CDC42BPA: variants seen among roughly 807,000 people sequenced by gnomAD.
CDC42BPA encodes the protein CDC42 binding protein kinase alpha.
CDC42BPA carries 80 observed loss-of-function variants against 223.5 expected under a neutral mutation model. That is an observed-to-expected ratio of 0.36 (90% CI 0.30 to 0.43). The LOEUF (loss-of-function observed/expected upper bound fraction) is 0.43. CDC42BPA is among the 20% of genes least tolerant of loss of function. CDC42BPA has a pLI of 1.00. For synonymous variants in CDC42BPA, 694 were observed against 718.6 expected, an observed-to-expected ratio of 0.97 and a Z score of 0.55; for missense variants, 1,743 against 2,099.9, an observed-to-expected ratio of 0.83 and a Z score of 3.32.
intron 1 of CDC42BPA, among the ~76,000 whole-genome samples, chr1:227,276,328 G>A (rs994817264): frequency 4.7e-5 from 7 of 150,394 alleles, no homozygotes; most frequent in African/African-American, 1.7e-4. Flanking sequence ...TGTCTGGGAG[G>A]TGAGGAGCGT....
chr1:227,048,387 T>C (rs962898782), intron 22 of CDC42BPA, among the ~76,000 whole-genome samples: 1 of 152,008 alleles, frequency 6.6e-6, no homozygotes, highest in South Asian at 2.1e-4. Context: ...AAATGATTTA[T>C]AATAAAATAT....
intron 22 of CDC42BPA, among the ~76,000 whole-genome samples, chr1:227,049,071 A>G (rs1203409537): frequency 1.3e-5 from 2 of 152,022 alleles, no homozygotes; most frequent in Admixed American, 1.3e-4. Context: ...TTACTTTTAA[A>G]TAGCTTGAAA....
At chr1:227,289,108 T>C (rs1038975723) in intron 1 of CDC42BPA, among the ~76,000 whole-genome samples, 1 of 152,184 alleles carries the variant, frequency 6.6e-6, no homozygotes, top group African/African-American at 2.4e-5. Context: ...CTCTCACGTG[T>C]ACTGCTACAA....
intron 17 of CDC42BPA, among the ~76,000 whole-genome samples, chr1:227,074,583 CA>C (rs1679077956): frequency 6.6e-6 from 1 of 152,070 alleles, no homozygotes; most frequent in South Asian, 2.1e-4. Context: ...GTGATGTTTA[CA>C]AAAGTCCAAG....
intron 10 of CDC42BPA, among the ~76,000 whole-genome samples, chr1:227,135,446 A>C (rs1658286432): frequency 6.6e-6 from 1 of 152,162 alleles, no homozygotes; most frequent in African/African-American, 2.4e-5. Flanking sequence ...AAGGCTGAAG[A>C]ACAGAATAAA....
At chr1:227,103,792 A>G (rs664815) in intron 14 of CDC42BPA, among the ~76,000 whole-genome samples, 43,043 of 151,888 alleles carry the variant, frequency 0.28, 6,313 homozygotes, top group African/African-American at 0.35. Context: ...ATGTCATACC[A>G]TTTAGCAAAA....
At chr1:227,050,108 T>C (rs1673239389) in intron 22 of CDC42BPA, among the ~76,000 whole-genome samples, 1 of 152,088 alleles carries the variant, frequency 6.6e-6, no homozygotes, top group Non-Finnish European at 1.5e-5. Flanking sequence ...GCAATGCATA[T>C]AGCTAGCAAA....
intron 2 of CDC42BPA, among the ~76,000 whole-genome samples, chr1:227,231,760 C>T (rs1241965180): frequency 3.3e-5 from 5 of 152,030 alleles, no homozygotes; most frequent in Non-Finnish European, 5.9e-5. Context: ...TTTCATGTGT[C>T]TGTTGGCTGC....
At chr1:227,192,700 AT>A (rs1463873143) in intron 5 of CDC42BPA, among the ~76,000 whole-genome samples, 1 of 152,012 alleles carries the variant, frequency 6.6e-6, no homozygotes, top group Non-Finnish European at 1.5e-5. Context: ...TTTATTTCTT[AT>A]TTTTTGTGTG....
chr1:227,237,298 A>T (rs910757085), intron 2 of CDC42BPA, among the ~76,000 whole-genome samples: 4 of 152,158 alleles, frequency 2.6e-5, no homozygotes, highest in Admixed American at 1.3e-4. Context: ...TACATGCTTT[A>T]AAAAATCAGA....
Position 227,317,974 on chromosome 1 carries a change from G to A in CDC42BPA, c.-792C>T, listed in dbSNP as rs906605241. The stretch of plus-strand genomic sequence containing the variant: ...ACCGGCGGCGCGGCCGGGGGTGGAA[G>A]GCGGGCTGCGGGCGGCACTGGCACC... On this transcript the variant is annotated 5_prime_UTR_variant, in exon 1 of 37. Coordinates refer to ENST00000366766, the MANE Select transcript of CDC42BPA (RefSeq NM_001394014.1). The A allele has an allele frequency of 2.5e-5, 10 of 395,104 alleles. No individual in the cohort carries two copies. The highest frequency in any genetic ancestry group is 2.1e-4 in the African/African-American group (10 of 48,444). 24.5% of individuals were successfully genotyped at this position (395,104 alleles called of 1,614,324 possible). A position where few individuals can be genotyped will look rare whatever the true frequency, so the allele number is the denominator to read the frequency against.
At chr1:227,058,048 G>A (rs528487683) in intron 21 of CDC42BPA, among the ~76,000 whole-genome samples, 2 of 152,240 alleles carry the variant, frequency 1.3e-5, no homozygotes, top group South Asian at 4.1e-4. Context: ...CCTTCTAGAG[G>A]TTATGTAATG....
At chr1:227,163,817 G>A (rs1015954421) in intron 5 of CDC42BPA, among the ~76,000 whole-genome samples, 1 of 151,400 alleles carries the variant, frequency 6.6e-6, no homozygotes, top group Non-Finnish European at 1.5e-5. Context: ...ACATCATAAG[G>A]ATGGTGTCCT....
chr1:227,081,926 A>G (rs1235914114), intron 16 of CDC42BPA, among the ~76,000 whole-genome samples: 1 of 152,224 alleles, frequency 6.6e-6, no homozygotes, highest in African/African-American at 2.4e-5. Flanking sequence ...TCCTAATATC[A>G]CATAAATAGT....
intron 35 of CDC42BPA, among the ~76,000 whole-genome samples, chr1:227,001,641 T>C (rs560612761): frequency 5.2e-4 from 79 of 152,164 alleles, no homozygotes; most frequent in Non-Finnish European, 9.6e-4. Flanking sequence ...GCGCGGTGGG[T>C]CACGCCTGTA....
At chr1:227,060,420 C>T (rs938009521) in intron 21 of CDC42BPA, among the ~76,000 whole-genome samples, 6 of 152,040 alleles carry the variant, frequency 3.9e-5, no homozygotes, top group Non-Finnish European at 5.9e-5. Context: ...GATACTAAGC[C>T]GACTTTGCAA....
Position 227,135,000 on chromosome 1 carries a change from G to T in CDC42BPA, c.1390+4576C>A, listed in dbSNP as rs146405447. ...TGGTTTATTTTACTTAGTTCTCTTTGCTTTTTCAGTTGGAGTTGGGAAAGT... is the reference window on the plus strand; with the variant it reads ...TGGTTTATTTTACTTAGTTCTCTTTTCTTTTTCAGTTGGAGTTGGGAAAGT... On this transcript the variant is annotated intron_variant, in intron 10 of 36. Transcript: ENST00000366766. Among the ~76,000 whole-genome samples, 192 of 152,216 alleles carry T rather than the reference G, an allele frequency of 1.3e-3. 2 individuals carry two copies. Among genetic ancestry groups the T allele is most frequent in the African/African-American group, 4.3e-3 (177 of 41,524 alleles).
intron 5 of CDC42BPA, chr1:227,183,472 T>G (rs1668275794): frequency 6.6e-6 from 1 of 152,224 alleles, no homozygotes; most frequent in Admixed American, 6.5e-5. Context: ...GATTTAATTC[T>G]TCTCACAAAG....
chr1:227,060,717 CTTTTT>C (rs59728048), intron 21 of CDC42BPA, among the ~76,000 whole-genome samples: 4 of 95,450 alleles, frequency 4.2e-5, no homozygotes, highest in East Asian at 3.5e-4. Flanking sequence ...TAAATAGGTA[CTTTTT>C]TTTTTTTTTT....
Sources: gnomAD v4.1 joint callset for allele counts (sites outside exome capture counted in the v4.1 genomes callset) on GRCh38, gnomAD v4.1.1 for gene constraint, MANE v1.5 for transcripts, NCBI Gene and HGNC (gene_info 2026-07-23, HGNC 2026-07-21) for gene names.